Variants in PEAK1 observed in about 807,000 individuals in gnomAD.
PEAK1 encodes pseudopodium enriched atypical kinase 1.
In PEAK1, 54 loss-of-function variants were observed where a neutral mutation model predicts 124.7. That is an observed-to-expected ratio of 0.43 (90% CI 0.35 to 0.54). PEAK1 has a LOEUF of 0.54. PEAK1 is among the 20% of genes least tolerant of loss of function. The pLI, the probability that PEAK1 is intolerant of heterozygous loss-of-function variation, is 0.01. For synonymous variants in PEAK1, 719 were observed against 760.0 expected, an observed-to-expected ratio of 0.95 and a Z score of 0.89; for missense variants, 2,046 against 2,134.5, an observed-to-expected ratio of 0.96 and a Z score of 0.82.
chr15:77,210,252 T>C (rs770588016), intron 6 of PEAK1, among the ~76,000 whole-genome samples: 17 of 152,350 alleles, frequency 1.1e-4, no homozygotes, highest in Non-Finnish European at 2.2e-4. Flanking sequence ...GAGATGTATA[T>C]TAAAGCTTCT....
At chr15:77,182,512 C>G (rs1298602546) in intron 6 of PEAK1, among the ~76,000 whole-genome samples, 1 of 151,898 alleles carries the variant, frequency 6.6e-6, no homozygotes, top group East Asian at 1.9e-4. Flanking sequence ...TGTTGGGAGG[C>G]AGGCCAAGGT....
chr15:77,177,341 C>T (rs2056947938), intron 7 of PEAK1, among the ~76,000 whole-genome samples: 2 of 152,106 alleles, frequency 1.3e-5, no homozygotes, highest in African/African-American at 4.8e-5. Context: ...CTACCAATGA[C>T]AAGACTGTTC....
intron 2 of PEAK1, chr15:77,349,985 T>C: frequency 1.0e-6 from 1 of 984,938 alleles, no homozygotes; most frequent in Non-Finnish European, 1.2e-6. Context: ...GGATCAAGCA[T>C]TATAGGAAGA....
At chr15:77,295,527 T>C (rs1033079076) in intron 2 of PEAK1, among the ~76,000 whole-genome samples, 6 of 152,162 alleles carry the variant, frequency 3.9e-5, no homozygotes, top group Non-Finnish European at 7.4e-5. Flanking sequence ...CTCATCATAC[T>C]CTGATTCATT....
intron 2 of PEAK1, chr15:77,335,031 T>G: frequency 1.0e-6 from 1 of 985,310 alleles, no homozygotes; most frequent in Non-Finnish European, 1.2e-6. Flanking sequence ...GGGAACTTAG[T>G]GACTAGGCCA....
chr15:77,176,511 A>G (rs558728297), intron 7 of PEAK1, among the ~76,000 whole-genome samples: 1 of 152,146 alleles, frequency 6.6e-6, no homozygotes. Flanking sequence ...AAAAAACTCC[A>G]GGGGTGGGGA....
At chr15:77,400,639 C>T (rs563351429) in intron 1 of PEAK1, among the ~76,000 whole-genome samples, 1 of 152,078 alleles carries the variant, frequency 6.6e-6, no homozygotes, top group African/African-American at 2.4e-5. Flanking sequence ...ATGAATTTAT[C>T]AGGACATAAT....
chr15:77,164,905 C>CTT (rs978671775), intron 7 of PEAK1, among the ~76,000 whole-genome samples: 7 of 142,486 alleles, frequency 4.9e-5, no homozygotes, highest in Admixed American at 7.0e-5. Flanking sequence ...GGCTTTCTTT[C>CTT]TTTTTTTTTT....
intron 8 of PEAK1, among the ~76,000 whole-genome samples, chr15:77,136,422 T>C (rs112318559): frequency 0.012 from 1,849 of 152,238 alleles, 41 homozygotes; most frequent in African/African-American, 0.043. Context: ...TCCCAGCACT[T>C]TGAGAGGCTG....
At chr15:77,291,000 T>G (rs921259805) in intron 2 of PEAK1, among the ~76,000 whole-genome samples, 9 of 152,210 alleles carry the variant, frequency 5.9e-5, no homozygotes, top group Non-Finnish European at 4.4e-5. Flanking sequence ...AACAAAGGCA[T>G]ATTTTCTATA....
intron 1 of PEAK1, chr15:77,417,559 G>A (rs1284623161): frequency 2.0e-6 from 2 of 985,182 alleles, no homozygotes; most frequent in Non-Finnish European, 2.4e-6. Context: ...CTGAAAACAG[G>A]GATTTGCAAC....
intron 2 of PEAK1, among the ~76,000 whole-genome samples, chr15:77,313,644 ATGTATGTATGTG>A (rs1488570321): frequency 4.0e-5 from 3 of 75,404 alleles, no homozygotes; most frequent in Non-Finnish European, 8.3e-5. Flanking sequence ...GTATGTATGT[ATGTATGTATGTG>A]TGTGTGTGTG....
At chr15:77,362,343 A>G (rs1395726650) in intron 2 of PEAK1, among the ~76,000 whole-genome samples, 2 of 152,204 alleles carry the variant, frequency 1.3e-5, no homozygotes, top group Admixed American at 1.3e-4. Flanking sequence ...ATTATTGTCA[A>G]TTAAAAACTA....
chr15:77,188,794 T>C (rs2057678372), intron 6 of PEAK1, among the ~76,000 whole-genome samples: 1 of 152,180 alleles, frequency 6.6e-6, no homozygotes, highest in Non-Finnish European at 1.5e-5. Context: ...TTTTCCTCTC[T>C]ATATCTCTTG....
At chr15:77,254,359 C>G (rs2061026619) in intron 5 of PEAK1, among the ~76,000 whole-genome samples, 1 of 151,984 alleles carries the variant, frequency 6.6e-6, no homozygotes, top group Non-Finnish European at 1.5e-5. Flanking sequence ...AGGATATGTT[C>G]TTTTATAAAA....
At chr15:77,128,500 G>A (rs921363066) in intron 9 of PEAK1, among the ~76,000 whole-genome samples, 17 of 152,202 alleles carry the variant, frequency 1.1e-4, no homozygotes, top group African/African-American at 3.1e-4. Flanking sequence ...ACCATGACCA[G>A]TGCCTCAGTA....
chr15:77,219,435 G>A lies in PEAK1; in HGVS notation c.-115+32932C>T, dbSNP rs543402321. On this transcript the variant is annotated intron_variant, in intron 6 of 9. Transcript: ENST00000682557. ...TGTAAAATAATCCCTTTATATGTAT[G>A]AGCATAGTTAATTTGGTAAACAACA... Among the ~76,000 whole-genome samples the A allele has an allele frequency of 2.6e-5, 4 of 152,214 alleles. No individual in the cohort carries two copies. In the South Asian group the frequency reaches 8.3e-4, roughly 32 times the overall value.
intron 5 of PEAK1, among the ~76,000 whole-genome samples, chr15:77,253,244 T>TGGGG (rs377748179): frequency 1.1e-3 from 143 of 126,796 alleles, no homozygotes; most frequent in African/African-American, 3.5e-3. Context: ...TTGGTATGCG[T>TGGGG]TGGGGGGGGG....
In PEAK1 at chr15:77,137,990, G is replaced by A. The variant is rs372501183; in HGVS notation, c.3332-4240C>T. ...GTGAGTAAGTCTCACAAGATCTGACGGTTTTAAAAAGAGGAGTTCCTCTGC... is the reference window on the plus strand; with the variant it reads ...GTGAGTAAGTCTCACAAGATCTGACAGTTTTAAAAAGAGGAGTTCCTCTGC... On this transcript the variant is annotated intron_variant, in intron 8 of 9. Transcript: ENST00000682557. 2.2e-4 allele frequency among the ~76,000 whole-genome samples: 33 copies of A among 152,222 alleles called. No homozygotes were observed. In the South Asian group the frequency reaches 2.9e-3, roughly 13 times the overall value.
Sources: allele counts gnomAD v4.1 joint callset (sites outside exome capture counted in the v4.1 genomes callset), GRCh38; gene constraint gnomAD v4.1.1; transcripts MANE v1.5; gene names NCBI Gene and HGNC (gene_info 2026-07-23, HGNC 2026-07-21).